Variants in LRRIQ3 observed in about 807,000 individuals in gnomAD.
LRRIQ3 encodes the protein leucine rich repeats and IQ motif containing 3.
LRRIQ3 carries 75 observed loss-of-function variants against 59.3 expected under a neutral mutation model. That is an observed-to-expected ratio of 1.26 (90% CI 1.05 to 1.53). The LOEUF (loss-of-function observed/expected upper bound fraction) is 1.53. LRRIQ3 is among the 40% of genes most tolerant of loss of function. LRRIQ3 has a pLI of 0.00. For synonymous variants in LRRIQ3, 250 were observed against 231.3 expected, an observed-to-expected ratio of 1.08 and a Z score of -0.73; for missense variants, 831 against 710.0, an observed-to-expected ratio of 1.17 and a Z score of -1.94.
At chr1:74,151,382 A>G (rs1169298393) in intron 4 of LRRIQ3, among the ~76,000 whole-genome samples, 1 of 152,170 alleles carries the variant, frequency 6.6e-6, no homozygotes, top group Non-Finnish European at 1.5e-5. Flanking sequence ...AGAAACAAAC[A>G]TAACAACTAG....
chr1:74,038,737 C>A (rs574174241), intron 7 of LRRIQ3, among the ~76,000 whole-genome samples: 1 of 152,208 alleles, frequency 6.6e-6, no homozygotes, highest in South Asian at 2.1e-4. Context: ...AGGGACTTGA[C>A]CATTGAAATA....
chr1:74,116,655 G>C (rs1023040894), intron 4 of LRRIQ3, among the ~76,000 whole-genome samples: 4 of 151,920 alleles, frequency 2.6e-5, no homozygotes, highest in African/African-American at 9.7e-5. Flanking sequence ...AAGGAAGTGA[G>C]CATCAAAATT....
At chr1:74,098,439 C>T (rs113863001) in intron 5 of LRRIQ3, among the ~76,000 whole-genome samples, 57 of 152,138 alleles carry the variant, frequency 3.7e-4, no homozygotes, top group East Asian at 7.7e-4. Context: ...ACTTAGACTC[C>T]GACACAAAAA....
At chr1:74,074,835 T>G in intron 5 of LRRIQ3, 45 bp from the exon 6 acceptor site, 1 of 978,202 alleles carries the variant, frequency 1.0e-6, no homozygotes, top group Non-Finnish European at 1.4e-6. Flanking sequence ...ATATCTCATG[T>G]GTTTTAGAGT....
chr1:74,075,412 C>T (rs111512240), intron 5 of LRRIQ3, among the ~76,000 whole-genome samples: 14 of 151,780 alleles, frequency 9.2e-5, no homozygotes, highest in African/African-American at 2.2e-4. Context: ...ACTAAAAATA[C>T]GAAAATTAGC....
At position 74,109,519 on chromosome 1, in the gene LRRIQ3, T is replaced by C; in HGVS notation, c.742A>G (p.Lys248Glu). ...TTTGCTTCATATCCTCTAATAATTT[T>C]TTCCTGCTGTTTTTTTTTGTGGAAA... ...VFFHKKKQQE[K>E]IIRGYEAKWI... The change falls in exon 5 of 8, where the codon AAA (lysine) becomes GAA (glutamate). Residue 248 changes from lysine (K) to glutamate (E), a missense_variant. Transcript: ENST00000354431. The C allele has an allele frequency of 6.4e-7, 1 of 1,566,930 alleles. No individual in the cohort carries two copies. The highest frequency in any genetic ancestry group is 8.6e-7 in the Non-Finnish European group (1 of 1,162,832).
intron 4 of LRRIQ3, among the ~76,000 whole-genome samples, chr1:74,116,427 G>A (rs1258005742): frequency 6.6e-6 from 1 of 151,822 alleles, no homozygotes; most frequent in East Asian, 1.9e-4. Flanking sequence ...TCAGATATAA[G>A]GCTCACCCCC....
intron 4 of LRRIQ3, among the ~76,000 whole-genome samples, chr1:74,143,004 A>T (rs1647327922): frequency 6.6e-6 from 1 of 152,080 alleles, no homozygotes; most frequent in East Asian, 1.9e-4. Context: ...TTCTGCTCCT[A>T]GTACCACTTC....
chr1:74,135,881 G>A (rs1258393683), intron 4 of LRRIQ3, among the ~76,000 whole-genome samples: 1 of 151,748 alleles, frequency 6.6e-6, no homozygotes, highest in Non-Finnish European at 1.5e-5. Context: ...AAGCAAGATT[G>A]AAGGAATAAA....
chr1:74,030,532 T>C (rs1653671828), intron 7 of LRRIQ3, among the ~76,000 whole-genome samples: 1 of 152,104 alleles, frequency 6.6e-6, no homozygotes, highest in Non-Finnish European at 1.5e-5. Flanking sequence ...ATTTAACAAA[T>C]GGTGGTGGGA....
intron 4 of LRRIQ3, among the ~76,000 whole-genome samples, chr1:74,128,672 C>G (rs1437368378): frequency 6.6e-6 from 1 of 152,016 alleles, no homozygotes; most frequent in Non-Finnish European, 1.5e-5. Context: ...TTATCAGTGT[C>G]TGGCCACTGA....
intron 7 of LRRIQ3, 124 bp from the exon 8 acceptor site, chr1:74,027,093 C>A: frequency 1.8e-6 from 1 of 562,180 alleles, no homozygotes. Context: ...GTGAGAAAGA[C>A]ACAACTCCAT....
chr1:74,041,918 T>C lies in LRRIQ3; in HGVS notation c.1013A>G (p.Asp338Gly). Reference protein sequence around the residue: ...HLIQKGQESEDEIVDEKLDTS... With the variant: ...HLIQKGQESEGEIVDEKLDTS... ...ATCCAATTTTTCATCCACAATTTCA[T>C]CTTCAGACTCCTGACCTACATCAAA... is the stretch of plus-strand genomic sequence containing the variant. Residue 338 changes from aspartate (D) to glycine (G), a missense_variant, in exon 7 of 8, where the codon GAT becomes GGT. Transcript: ENST00000354431. 1 of 1,603,396 alleles carries C rather than the reference T, an allele frequency of 6.2e-7. No individual in the cohort carries two copies. Among genetic ancestry groups the C allele is most frequent in the Non-Finnish European group, 8.5e-7 (1 of 1,174,824 alleles).
intron 4 of LRRIQ3, among the ~76,000 whole-genome samples, chr1:74,151,086 C>T (rs1647910042): frequency 7.3e-6 from 1 of 136,068 alleles, no homozygotes; most frequent in African/African-American, 2.7e-5. Flanking sequence ...GGCGCGATCT[C>T]GGCTCACTAC....
At chr1:74,063,164 GGT>G (rs1414336047) in intron 6 of LRRIQ3, among the ~76,000 whole-genome samples, 8 of 150,908 alleles carry the variant, frequency 5.3e-5, no homozygotes, top group Admixed American at 5.3e-4. Flanking sequence ...AACGAGGAAG[GGT>G]GTTTCCTAAT....
intron 3 of LRRIQ3, among the ~76,000 whole-genome samples, chr1:74,173,219 C>G (rs1649435194): frequency 6.7e-6 from 1 of 150,248 alleles, no homozygotes; most frequent in East Asian, 2.0e-4. Flanking sequence ...ATGGCATGAA[C>G]CCAGGAGGTG....
At chr1:74,089,447 A>G (rs1646370627) in intron 5 of LRRIQ3, among the ~76,000 whole-genome samples, 1 of 152,140 alleles carries the variant, frequency 6.6e-6, no homozygotes, top group South Asian at 2.1e-4. Flanking sequence ...TATCCATACA[A>G]TGGAATATTA....
chr1:74,117,713 C>T (rs1392475022), intron 4 of LRRIQ3, among the ~76,000 whole-genome samples: 3 of 152,058 alleles, frequency 2.0e-5, no homozygotes, highest in Non-Finnish European at 4.4e-5. Context: ...TTGCAGTGAG[C>T]TGAGATCGCA....
intron 5 of LRRIQ3, among the ~76,000 whole-genome samples, chr1:74,081,381 A>G (rs1368731782): frequency 1.3e-5 from 2 of 151,638 alleles, no homozygotes. Context: ...CTAATAGTCT[A>G]AGGTCTATCT....
Sources: allele counts gnomAD v4.1 joint callset (sites outside exome capture counted in the v4.1 genomes callset), GRCh38; gene constraint gnomAD v4.1.1; transcripts MANE v1.5; gene names NCBI Gene and HGNC (gene_info 2026-07-23, HGNC 2026-07-21).